The following FER variants were observed in gnomAD, a reference collection of about 807,000 sequenced individuals.
FER encodes tyrosine-protein kinase Fer.
In FER, 63 loss-of-function variants were observed where a neutral mutation model predicts 111.0. The observed-to-expected ratio is 0.57, with a 90% CI of 0.46 to 0.70. The LOEUF is 0.70. Among genes scored for constraint, FER ranks in the 30% least tolerant of loss-of-function variants. FER has a pLI of 0.00. For missense variants in FER, 914 were observed against 954.0 expected, an observed-to-expected ratio of 0.96 and a Z score of 0.55; for synonymous variants, 327 against 313.9, an observed-to-expected ratio of 1.04 and a Z score of -0.44.
chr5:108,799,068 A>G (rs1756354271), intron 3 of FER, among the ~76,000 whole-genome samples: 2 of 152,212 alleles, frequency 1.3e-5, no homozygotes, highest in African/African-American at 4.8e-5. Context: ...GTTGTGAATC[A>G]TATGGAATAT....
In FER at chr5:108,874,911, T is replaced by C. The variant is rs181855051; in HGVS notation, c.923+2699T>C. On this transcript the variant is annotated intron_variant, in intron 8 of 19. Coordinates refer to ENST00000281092, the MANE Select transcript of FER (RefSeq NM_005246.4). ...CCCAGTGTTGTATAAAGTACAGATA[T>C]ATAAGCCCTCTTATAAAATGTTGCT... 4.6e-5 allele frequency among the ~76,000 whole-genome samples: 7 copies of C among 152,284 alleles called. No homozygotes were observed. The East Asian group carries it at 1.2e-3, about 25-fold the overall frequency.
chr5:108,924,395 G>T (rs1753457821), intron 10 of FER, among the ~76,000 whole-genome samples: 4 of 149,506 alleles, frequency 2.7e-5, no homozygotes, highest in Non-Finnish European at 4.4e-5. Flanking sequence ...AAGTAGAACA[G>T]AGATTTATTT....
chr5:109,040,040 G>A (rs1770936248), intron 14 of FER, among the ~76,000 whole-genome samples: 1 of 152,070 alleles, frequency 6.6e-6, no homozygotes, highest in Non-Finnish European at 1.5e-5. Flanking sequence ...TGAATATCCT[G>A]ATGGACTCTG....
chr5:108,931,830 C>CG (rs1320480725), intron 10 of FER, among the ~76,000 whole-genome samples: 4 of 151,404 alleles, frequency 2.6e-5, no homozygotes, highest in Non-Finnish European at 5.9e-5. Flanking sequence ...AACTCCATCT[C>CG]GGGGAAAAAA....
At chr5:109,187,292 A>AG (rs200521324) in intron 19 of FER, 141 bp from the exon 20 acceptor site, 11,608 of 775,148 alleles carry the variant, frequency 0.015, 134 homozygotes, top group Non-Finnish European at 0.019. Context: ...ATAAAAACTC[A>AG]GCCTCCCCAG....
chr5:108,816,085 A>G (rs1010217753), intron 3 of FER, among the ~76,000 whole-genome samples: 18 of 152,028 alleles, frequency 1.2e-4, no homozygotes, highest in Admixed American at 9.8e-4. Context: ...CCAAACACAC[A>G]CACACCACAC....
chr5:108,755,835 A>G (rs531480339), intron 1 of FER, among the ~76,000 whole-genome samples: 10 of 151,402 alleles, frequency 6.6e-5, no homozygotes, highest in African/African-American at 2.2e-4. Context: ...CCTAGCAGCT[A>G]TACCACATCT....
intron 2 of FER, among the ~76,000 whole-genome samples, chr5:108,791,882 C>T (rs1030240001): frequency 6.6e-6 from 1 of 152,128 alleles, no homozygotes; most frequent in Non-Finnish European, 1.5e-5. Flanking sequence ...AGGCATCCTG[C>T]TTCATTGTTT....
intron 16 of FER, among the ~76,000 whole-genome samples, chr5:109,083,560 T>A (rs72796557): frequency 0.027 from 4,110 of 152,180 alleles, 76 homozygotes; most frequent in Middle Eastern, 0.092. Flanking sequence ...TCCTCTAATC[T>A]AATTTTTTTG....
At chr5:109,055,511 A>G (rs1218709924) in intron 16 of FER, among the ~76,000 whole-genome samples, 2 of 152,072 alleles carry the variant, frequency 1.3e-5, no homozygotes, top group Admixed American at 6.6e-5. Flanking sequence ...AGGAGGCTGG[A>G]TGCAGTGGCT....
At chr5:109,066,984 G>T (rs907352111) in intron 16 of FER, among the ~76,000 whole-genome samples, 11 of 152,168 alleles carry the variant, frequency 7.2e-5, no homozygotes, top group African/African-American at 2.4e-4. Flanking sequence ...TTTGTGTTAA[G>T]ATCTGAAAGA....
At chr5:109,159,975 G>T (rs1284408809) in intron 17 of FER, among the ~76,000 whole-genome samples, 1 of 152,114 alleles carries the variant, frequency 6.6e-6, no homozygotes, top group African/African-American at 2.4e-5. Context: ...GACTACATTT[G>T]GTGGGGGTGG....
intron 10 of FER, among the ~76,000 whole-genome samples, chr5:108,930,718 A>T (rs1754546229): frequency 6.8e-6 from 1 of 147,072 alleles, no homozygotes; most frequent in Non-Finnish European, 1.5e-5. Flanking sequence ...AGTTCAAATG[A>T]TTCTCCTGCC....
In FER at chr5:109,051,499, C is replaced by G; in HGVS notation, c.1924+4301C>G. 3 of 1,610,084 alleles carry G rather than the reference C, an allele frequency of 1.9e-6. No homozygotes were observed. The South Asian group carries it at 3.3e-5, about 18-fold the overall frequency. On this transcript the variant is annotated intron_variant, in intron 16 of 19. Transcript: ENST00000281092. Reference sequence around the variant, plus strand: ...GTTAGAGATGGTGCTTCCCGCCTGCCCCATTCGATTTTGTTCTGCACTGTA... The same window carrying G: ...GTTAGAGATGGTGCTTCCCGCCTGCGCCATTCGATTTTGTTCTGCACTGTA...
chr5:108,883,561 T>C (rs1765886255), intron 9 of FER, 43 bp downstream of exon 9: 10 of 1,497,172 alleles, frequency 6.7e-6, no homozygotes, highest in Non-Finnish European at 9.0e-6. Context: ...TGTTTAATTG[T>C]AATTTTACAA....
chr5:108,909,266 C>CT (rs374718784), intron 10 of FER, among the ~76,000 whole-genome samples: 13 of 151,570 alleles, frequency 8.6e-5, no homozygotes, highest in African/African-American at 2.4e-4. Context: ...ATTTTAAATC[C>CT]TTTTTTTTAT....
intron 3 of FER, among the ~76,000 whole-genome samples, chr5:108,813,568 T>C (rs1200693245): frequency 6.6e-6 from 1 of 152,196 alleles, no homozygotes; most frequent in African/African-American, 2.4e-5. Flanking sequence ...GCTGTATTTT[T>C]CTTTCTTCTC....
chr5:108,911,417 T>G (rs1016068657), intron 10 of FER, among the ~76,000 whole-genome samples: 2 of 152,160 alleles, frequency 1.3e-5, no homozygotes, highest in African/African-American at 2.4e-5. Flanking sequence ...ATACTGTAGA[T>G]TGTGTGTTTG....
chr5:108,854,175 A>G (rs972651059), intron 5 of FER, among the ~76,000 whole-genome samples: 2 of 152,236 alleles, frequency 1.3e-5, no homozygotes, highest in Non-Finnish European at 2.9e-5. Context: ...TGATCAATAC[A>G]TAACTTTATT....
Sources: allele counts gnomAD v4.1 joint callset (sites outside exome capture counted in the v4.1 genomes callset), GRCh38; gene constraint gnomAD v4.1.1; transcripts MANE v1.5; gene names NCBI Gene and HGNC (gene_info 2026-07-23, HGNC 2026-07-21).